The following CPNE3 variants were observed in gnomAD, a reference collection of about 807,000 sequenced individuals.
CPNE3 encodes copine-3.
In CPNE3, 68 loss-of-function variants were observed where a neutral mutation model predicts 63.9. That is an observed-to-expected ratio of 1.06 (90% confidence interval 0.87 to 1.30). The LOEUF is 1.30. Among genes scored for constraint, CPNE3 ranks in the 50% most tolerant of loss-of-function variants. CPNE3 has a pLI of 0.00. For missense variants in CPNE3, 665 were observed against 578.1 expected, an observed-to-expected ratio of 1.15 and a Z score of -1.54; for synonymous variants, 219 against 197.5, an observed-to-expected ratio of 1.11 and a Z score of -0.91.
intron 6 of CPNE3, among the ~76,000 whole-genome samples, chr8:86,533,059 T>C (rs892778268): frequency 1.3e-5 from 2 of 151,328 alleles, no homozygotes; most frequent in African/African-American, 4.8e-5. Context: ...TATCTATCTA[T>C]CTATCTATCT....
At chr8:86,552,687 T>C (rs924012179) in intron 14 of CPNE3, among the ~76,000 whole-genome samples, 1 of 151,628 alleles carries the variant, frequency 6.6e-6, no homozygotes, top group African/African-American at 2.4e-5. Flanking sequence ...CCCCTTTTCC[T>C]AACTAATCAT....
Position 86,532,530 on chromosome 8 carries a change from G to A in CPNE3, c.409G>A (p.Asp137Asn). The change falls in exon 6 of 17, where the codon GAT becomes AAT. Residue 137 changes from aspartate to asparagine, a missense_variant. By Grantham distance (23) the Asp-to-Asn change is conservative. Transcript: ENST00000517490. ...SITISAEEIK[D>N]NRVVLFEMEA... ...ATAGATTTCAGCTGAAGAAATAAAA[G>A]ATAATAGAGTGGTCTTGTTTGAAAT... The A allele has an allele frequency of 5.0e-6, 8 of 1,612,436 alleles. No homozygotes were observed. The South Asian group carries it at 6.6e-5, about 13-fold the overall frequency.
chr8:86,530,790 C>A (rs905146873), intron 4 of CPNE3, among the ~76,000 whole-genome samples: 1 of 150,550 alleles, frequency 6.6e-6, no homozygotes, highest in African/African-American at 2.4e-5. Context: ...CTCCTGAATT[C>A]AAGTGATTCT....
chr8:86,541,791 A>G (rs1232066810), intron 8 of CPNE3, among the ~76,000 whole-genome samples: 2 of 152,128 alleles, frequency 1.3e-5, no homozygotes, highest in African/African-American at 4.8e-5. Context: ...AATCAATCTA[A>G]GTATGATTTG....
chr8:86,541,216 G>T (rs891863576), intron 8 of CPNE3, among the ~76,000 whole-genome samples: 4 of 152,190 alleles, frequency 2.6e-5, no homozygotes, highest in Middle Eastern at 3.4e-3. Flanking sequence ...ACTGGCTAAG[G>T]GATCTTGGGC....
rs869225401 is a variant in CPNE3, at chr8:86,527,946, A to ATTTTTTTTTTTTTTTTTTTTTTTTTTTT, written c.-10-565_-10-564insTTTTTTTTTTTTTTTTTTTTTTTTTTTT. ...AAATTTATAGTTAAGGTAAAAAGAA[A>ATTTTTTTTTTTTTTTTTTTTTTTTTTTT]TTTTTTTTTTTTTTTTTTTTTTTTT... On this transcript the variant is annotated intron_variant, in intron 2 of 16. Coordinates refer to ENST00000517490, the MANE Select transcript of CPNE3 (RefSeq NM_003909.5). Among the ~76,000 whole-genome samples the ATTTTTTTTTTTTTTTTTTTTTTTTTTTT allele has an allele frequency of 4.1e-4, 35 of 85,966 alleles. 3 individuals carry two copies. The highest frequency in any genetic ancestry group is 1.9e-3 in the African/African-American group (33 of 17,650). The allele number at this position is 85,966 out of a possible 152,430, so 56.4% of individuals were successfully genotyped here.
intron 15 of CPNE3, among the ~76,000 whole-genome samples, chr8:86,555,827 C>T (rs1300465360): frequency 6.6e-6 from 1 of 152,188 alleles, no homozygotes; most frequent in Non-Finnish European, 1.5e-5. Flanking sequence ...TTATTCCTAG[C>T]CTTACTGAAA....
In CPNE3 at chr8:86,545,145, G is replaced by A. The variant is rs183536765; in HGVS notation, c.732+307G>A. 5.2e-5 allele frequency: 9 copies of A among 172,286 alleles called. No homozygotes were observed. The East Asian group carries it at 6.0e-4, about 11-fold the overall frequency. The allele number at this position is 172,286 out of a possible 1,614,324, so 10.7% of individuals were successfully genotyped here. On this transcript the variant is annotated intron_variant, in intron 9 of 16. Coordinates refer to ENST00000517490, the MANE Select transcript of CPNE3 (RefSeq NM_003909.5). ...CAATCCTTTTGCCTATTGTATCATCGTATTGAAGTCAAGGCAAACACAATG... is the reference window on the plus strand; with the variant it reads ...CAATCCTTTTGCCTATTGTATCATCATATTGAAGTCAAGGCAAACACAATG...
chr8:86,552,269 C>G (rs1542082), intron 14 of CPNE3, among the ~76,000 whole-genome samples: 113,275 of 152,078 alleles, frequency 0.74, 43,107 homozygotes, highest in Non-Finnish European at 0.83. Context: ...ATTTTTGTGG[C>G]GGCCGTTTGC....
chr8:86,542,946 G>A (rs1260884608), intron 8 of CPNE3, among the ~76,000 whole-genome samples: 1 of 151,828 alleles, frequency 6.6e-6, no homozygotes, highest in Non-Finnish European at 1.5e-5. Flanking sequence ...ATAAAATCTT[G>A]GCCTTGTCAA....
chr8:86,553,122 C>T (rs1476005346), intron 14 of CPNE3, among the ~76,000 whole-genome samples: 1 of 151,632 alleles, frequency 6.6e-6, no homozygotes, highest in African/African-American at 2.4e-5. Flanking sequence ...CCTCTGCCTC[C>T]CGAAGTGCTG....
chr8:86,538,299 C>T (rs1367494722), intron 7 of CPNE3, among the ~76,000 whole-genome samples: 3 of 152,246 alleles, frequency 2.0e-5, no homozygotes, highest in Non-Finnish European at 2.9e-5. Flanking sequence ...TGCTTGAACC[C>T]AGGAGGTGGA....
At chr8:86,550,449 T>C (rs1821148883) in intron 12 of CPNE3, among the ~76,000 whole-genome samples, 1 of 152,168 alleles carries the variant, frequency 6.6e-6, no homozygotes, top group African/African-American at 2.4e-5. Flanking sequence ...GAAAGGAATA[T>C]TCCTCGTAGA....
intron 4 of CPNE3, among the ~76,000 whole-genome samples, chr8:86,529,641 CA>C (rs1820625313): frequency 1.3e-5 from 2 of 152,178 alleles, no homozygotes; most frequent in Admixed American, 6.5e-5. Context: ...TGGTACTTCT[CA>C]CCATACTTTT....
At position 86,551,239 on chromosome 8, in the gene CPNE3, GT is replaced by G; in HGVS notation, c.1120+7del. 6.4e-7 allele frequency: 1 copy of G among 1,572,540 alleles called. No homozygotes were observed. On this transcript the variant is annotated splice_donor_region_variant and intron_variant, in intron 14 of 16. Coordinates refer to ENST00000517490, the MANE Select transcript of CPNE3 (RefSeq NM_003909.5). Reference sequence around the variant, plus strand: ...CATCCAATCCCTACTGCAATGGTAAGTTAAAAAATAAACATGAAGACTTCAA... The same window carrying G: ...CATCCAATCCCTACTGCAATGGTAAGTAAAAAATAAACATGAAGACTTCAA...
Position 86,559,793 on chromosome 8 carries a change from A to G in CPNE3, c.*1383A>G, listed in dbSNP as rs1282349085. 2.0e-5 allele frequency: 3 copies of G among 152,230 alleles called. No individual in the cohort carries two copies. Among genetic ancestry groups the G allele is most frequent in the Non-Finnish European group, 4.4e-5 (3 of 68,042 alleles). The allele number at this position is 152,230 out of a possible 1,614,324, so 9.4% of individuals were successfully genotyped here. A position where few individuals can be genotyped will look rare whatever the true frequency, so the allele number is the denominator to read the frequency against. ...TCTATATATTGGCCAATTATCTTTA[A>G]TAATTTACCTTTTGAAATTGCATGT... On this transcript the variant is annotated 3_prime_UTR_variant, in exon 17 of 17. Transcript: ENST00000517490.
intron 14 of CPNE3, 86 bp from the exon 15 acceptor site, chr8:86,554,765 A>G (rs1032012887): frequency 6.6e-7 from 1 of 1,504,016 alleles, no homozygotes. Flanking sequence ...ATGTTGATAC[A>G]TATAATCAAA....
At chr8:86,522,548 CTTT>C (rs36073581) in intron 2 of CPNE3, among the ~76,000 whole-genome samples, 1 of 82,232 alleles carries the variant, frequency 1.2e-5, no homozygotes, top group African/African-American at 6.1e-5. Context: ...ACGCCCGCTG[CTTT>C]TTTTTTTTTT....
In CPNE3 at chr8:86,539,912, G is replaced by A. The variant is rs553930804; in HGVS notation, c.544-333G>A. Among the ~76,000 whole-genome samples the A allele has an allele frequency of 4.6e-5, 7 of 152,124 alleles. No individual in the cohort carries two copies. The East Asian group carries it at 7.7e-4, about 17-fold the overall frequency. On this transcript the variant is annotated intron_variant, in intron 7 of 16. Transcript: ENST00000517490. ...ACTCCTGACCTCAGATGATCTGCCC[G>A]TCTCGGCCTCCCAAAGTGTGGGGAT...
Sources: gnomAD v4.1 joint callset for allele counts (sites outside exome capture counted in the v4.1 genomes callset) on GRCh38, gnomAD v4.1.1 for gene constraint, MANE v1.5 for transcripts, NCBI Gene and HGNC (gene_info 2026-07-23, HGNC 2026-07-21) for gene names.